The following RIMS2 variants were observed in gnomAD, a reference collection of about 807,000 sequenced individuals.
RIMS2 encodes the protein regulating synaptic membrane exocytosis 2.
Under a neutral mutation model 174.4 loss-of-function variants are expected in RIMS2, and 59 were observed. The observed-to-expected ratio is 0.34, with a 90% CI of 0.27 to 0.42. The LOEUF is 0.42. Ranked by LOEUF, RIMS2 falls within the 10% of genes least tolerant of loss-of-function variation. The probability of loss-of-function intolerance (pLI) is 1.00; values close to 1 mark genes in which losing one functional copy is unlikely to be tolerated. For missense variants in RIMS2, 1,620 were observed against 1,666.3 expected (o/e 0.97, Z 0.48); for synonymous variants, 606 against 572.5 (o/e 1.06, Z -0.84).
At chr8:103,502,984 TA>T (rs1821157074) in intron 1 of RIMS2, among the ~76,000 whole-genome samples, 1 of 151,992 alleles carries the variant, frequency 6.6e-6, no homozygotes, top group Non-Finnish European at 1.5e-5. Flanking sequence ...ATGTATATAT[TA>T]TTTCTGTATG....
At chr8:103,848,882 T>G (rs1324025335) in intron 3 of RIMS2, among the ~76,000 whole-genome samples, 1 of 152,034 alleles carries the variant, frequency 6.6e-6, no homozygotes, top group Non-Finnish European at 1.5e-5. Flanking sequence ...TCTATCTTCT[T>G]TCTAACTTTA....
rs1168361207 is a variant in RIMS2, at chr8:104,090,264, C to T, written c.3334+75649C>T. Among the ~76,000 whole-genome samples the T allele has an allele frequency of 2.6e-5, 4 of 151,652 alleles. No homozygotes were observed. In the East Asian group the frequency reaches 7.7e-4, roughly 29 times the overall value. ...ATTTTGCATATCTAAAATTTTAGCT[C>T]AGCAAATTGGATGATCTGAGAAGTC... On this transcript the variant is annotated intron_variant, in intron 19 of 23. Transcript: ENST00000504942.
intron 19 of RIMS2, among the ~76,000 whole-genome samples, chr8:104,082,173 G>T (rs1566249649): frequency 6.7e-6 from 1 of 149,864 alleles, no homozygotes; most frequent in Non-Finnish European, 1.5e-5. Context: ...GAGTAAAGAA[G>T]GAATAAAGGA....
At chr8:103,638,811 T>C (rs550528595) in intron 1 of RIMS2, among the ~76,000 whole-genome samples, 1 of 152,178 alleles carries the variant, frequency 6.6e-6, no homozygotes, top group South Asian at 2.1e-4. Flanking sequence ...TGTCACTGTT[T>C]CTAGGCTCTC....
At chr8:103,815,456 T>C (rs562652997) in intron 3 of RIMS2, among the ~76,000 whole-genome samples, 30 of 152,308 alleles carry the variant, frequency 2.0e-4, no homozygotes, top group African/African-American at 7.2e-4. Flanking sequence ...TTAGAACTCT[T>C]ATTATCACTG....
intron 2 of RIMS2, among the ~76,000 whole-genome samples, chr8:103,715,344 A>G (rs1039766100): frequency 2.6e-5 from 4 of 152,026 alleles, no homozygotes; most frequent in Non-Finnish European, 5.9e-5. Flanking sequence ...CCCCCGACCA[A>G]CAGGCCCCAG....
chr8:104,062,301 G>T (rs747627563), intron 19 of RIMS2, among the ~76,000 whole-genome samples: 22 of 152,092 alleles, frequency 1.4e-4, no homozygotes, highest in Non-Finnish European at 2.6e-4. Context: ...CTACTCGGTA[G>T]GCTGAGGCAG....
intron 19 of RIMS2, among the ~76,000 whole-genome samples, chr8:104,098,188 TAA>T (rs527411283): frequency 8.8e-4 from 134 of 152,284 alleles, no homozygotes; most frequent in Non-Finnish European, 1.5e-3. Flanking sequence ...ATATTTTTCC[TAA>T]GTTAATTAAT....
chr8:103,659,031 T>C (rs937711993), intron 1 of RIMS2, among the ~76,000 whole-genome samples: 4 of 152,242 alleles, frequency 2.6e-5, no homozygotes, highest in African/African-American at 4.8e-5. Flanking sequence ...CTAATGCTGA[T>C]AGAAATCGAA....
chr8:103,898,805 T>C (rs1554954420), intron 4 of RIMS2, among the ~76,000 whole-genome samples: 2 of 151,540 alleles, frequency 1.3e-5, no homozygotes, highest in Non-Finnish European at 2.9e-5. Flanking sequence ...ACATGTGCCA[T>C]GTTGGTGTGC....
At position 103,676,878 on chromosome 8, in the gene RIMS2, G is replaced by T. The variant is rs565853194; in HGVS notation, c.177-20208G>T. On this transcript the variant is annotated intron_variant, in intron 1 of 23. Coordinates refer to ENST00000504942, the Ensembl canonical transcript of RIMS2. ...GCATGCCTGTAATTTCAGTTACTCA[G>T]GAGCCTGAGGCAGGAGAATAGCTTG... Among the ~76,000 whole-genome samples, 401 of 152,264 alleles carry T rather than the reference G, an allele frequency of 2.6e-3. 2 individuals are homozygous for T. The highest frequency in any genetic ancestry group is 4.4e-3 in the Non-Finnish European group (300 of 68,026).
At chr8:103,539,593 C>T (rs1841564582) in intron 1 of RIMS2, among the ~76,000 whole-genome samples, 1 of 152,188 alleles carries the variant, frequency 6.6e-6, no homozygotes, top group African/African-American at 2.4e-5. Context: ...CCACCATCAT[C>T]CCCAAGAGCC....
chr8:103,911,089 T>C (rs1398746571), intron 5 of RIMS2, among the ~76,000 whole-genome samples: 2 of 152,210 alleles, frequency 1.3e-5, no homozygotes, highest in African/African-American at 4.8e-5. Context: ...TATTTATCAT[T>C]GTTGCTCTTA....
At chr8:104,033,995 A>T (rs931457435) in intron 19 of RIMS2, among the ~76,000 whole-genome samples, 18 of 152,168 alleles carry the variant, frequency 1.2e-4, no homozygotes, top group African/African-American at 4.3e-4. Flanking sequence ...TGCTTAATGT[A>T]TAATTTTTAT....
At chr8:103,506,808 G>T (rs908642201) in intron 1 of RIMS2, among the ~76,000 whole-genome samples, 2 of 152,024 alleles carry the variant, frequency 1.3e-5, no homozygotes, top group African/African-American at 4.8e-5. Flanking sequence ...GGAGAGGGTG[G>T]GTGACAACTT....
At chr8:104,230,296 T>C (rs1406312975) in intron 19 of RIMS2, among the ~76,000 whole-genome samples, 1 of 130,378 alleles carries the variant, frequency 7.7e-6, no homozygotes, top group African/African-American at 2.9e-5. Flanking sequence ...AAAAAAAAAA[T>C]AGGTTTTGTT....
chr8:103,855,960 A>C (rs982673221), intron 3 of RIMS2, among the ~76,000 whole-genome samples: 3 of 152,078 alleles, frequency 2.0e-5, no homozygotes, highest in Admixed American at 1.3e-4. Context: ...GGGGTGTAGA[A>C]GTTCCTCACT....
intron 1 of RIMS2, among the ~76,000 whole-genome samples, chr8:103,576,123 C>T (rs973313290): frequency 6.6e-6 from 1 of 152,190 alleles, no homozygotes; most frequent in Non-Finnish European, 1.5e-5. Flanking sequence ...GTTTGTTCCA[C>T]AGGTCCCCTG....
At chr8:104,188,683 C>T (rs1005412423) in intron 19 of RIMS2, among the ~76,000 whole-genome samples, 1 of 151,786 alleles carries the variant, frequency 6.6e-6, no homozygotes, top group Non-Finnish European at 1.5e-5. Context: ...AAATAGGACA[C>T]AAACTTATAG....
Sources: gnomAD v4.1 joint callset for allele counts (sites outside exome capture counted in the v4.1 genomes callset) on GRCh38, gnomAD v4.1.1 for gene constraint, MANE v1.5 for transcripts, NCBI Gene and HGNC (gene_info 2026-07-23, HGNC 2026-07-21) for gene names.